The following SHTN1 variants were observed in gnomAD, a reference collection of about 807,000 sequenced individuals.
SHTN1 encodes shootin 1.
A neutral mutation model predicts 83.1 loss-of-function variants in SHTN1; 42 were observed. That is an observed-to-expected ratio of 0.51 (90% CI 0.39 to 0.65). The LOEUF is 0.65. Ranked by LOEUF, SHTN1 falls within the 30% of genes least tolerant of loss-of-function variation. The pLI is 0.00. For missense variants in SHTN1, 622 were observed against 737.8 expected, an observed-to-expected ratio of 0.84 and a Z score of 1.82; for synonymous variants, 224 against 247.7, an observed-to-expected ratio of 0.90 and a Z score of 0.90.
intron 3 of SHTN1, among the ~76,000 whole-genome samples, chr10:116,963,665 T>C (rs1166822718): frequency 6.6e-6 from 1 of 152,216 alleles, no homozygotes; most frequent in Non-Finnish European, 1.5e-5. Context: ...CAAAGCAATC[T>C]GAGGTCAGTG....
chr10:117,048,426 G>C (rs1852698039), intron 2 of SHTN1: 2 of 963,990 alleles, frequency 2.1e-6, no homozygotes, highest in South Asian at 9.6e-5. Flanking sequence ...AGACACATCG[G>C]CACGGTCTTG....
rs975269158 is a variant in SHTN1, at chr10:117,042,774, C to T, written c.-123+5671G>A. ...GGGACTACAGGCGTACACCACCACA[C>T]CCAGCTAATTTTTGTATTTTTAGTA... On this transcript the variant is annotated intron_variant, in intron 2 of 17. Transcript: ENST00000392901. Among the ~76,000 whole-genome samples the T allele has an allele frequency of 4.6e-5, 7 of 152,194 alleles. No individual in the cohort carries two copies. The South Asian group carries it at 1.5e-3, about 32-fold the overall frequency.
intron 1 of SHTN1, among the ~76,000 whole-genome samples, chr10:117,086,088 T>C (rs961293639): frequency 6.6e-6 from 1 of 152,102 alleles, no homozygotes; most frequent in African/African-American, 2.4e-5. Flanking sequence ...GCCCAGCTAA[T>C]TTTTTTATTT....
At chr10:117,016,267 G>C (rs543474854) in intron 2 of SHTN1, among the ~76,000 whole-genome samples, 1 of 152,300 alleles carries the variant, frequency 6.6e-6, no homozygotes, top group East Asian at 1.9e-4. Context: ...TGAGGCGTAT[G>C]TGTGTCTGTG....
chr10:116,995,931 C>T (rs889221555), intron 1 of SHTN1, among the ~76,000 whole-genome samples: 2 of 152,122 alleles, frequency 1.3e-5, no homozygotes, highest in Admixed American at 6.6e-5. Context: ...TAGGCACAAT[C>T]TGATGTTGAG....
intron 14 of SHTN1, among the ~76,000 whole-genome samples, chr10:116,906,987 A>C (rs1362136587): frequency 6.6e-6 from 1 of 152,238 alleles, no homozygotes; most frequent in Non-Finnish European, 1.5e-5. Flanking sequence ...AGAACAGTAC[A>C]AGAACACTTC....
chr10:117,056,823 CAAACA>C (rs1430463654), intron 1 of SHTN1, among the ~76,000 whole-genome samples: 1 of 151,994 alleles, frequency 6.6e-6, no homozygotes, highest in Non-Finnish European at 1.5e-5. Flanking sequence ...TCAAAACAAA[CAAACA>C]AAACAAAATA....
At chr10:117,087,620 T>C (rs190305305) in intron 1 of SHTN1, among the ~76,000 whole-genome samples, 4 of 152,320 alleles carry the variant, frequency 2.6e-5, no homozygotes, top group Middle Eastern at 3.4e-3. Flanking sequence ...AATAAAACTT[T>C]AAAAAATATT....
chr10:116,965,030 C>T (rs541320070), intron 3 of SHTN1, among the ~76,000 whole-genome samples: 5 of 152,194 alleles, frequency 3.3e-5, no homozygotes, highest in Admixed American at 2.6e-4. Context: ...CACAGGAATC[C>T]GGTCTAGGGA....
At chr10:117,045,808 A>C (rs1310064930) in intron 2 of SHTN1, among the ~76,000 whole-genome samples, 1 of 152,234 alleles carries the variant, frequency 6.6e-6, no homozygotes. Context: ...TTAAATTTTC[A>C]GACTGGTATT....
At chr10:117,046,218 C>T (rs908345814) in intron 2 of SHTN1, among the ~76,000 whole-genome samples, 2 of 151,998 alleles carry the variant, frequency 1.3e-5, no homozygotes, top group African/African-American at 4.8e-5. Flanking sequence ...TAGACATATA[C>T]TCAAACTGCA....
intron 1 of SHTN1, among the ~76,000 whole-genome samples, chr10:116,994,513 G>C (rs1851558897): frequency 6.6e-6 from 1 of 152,106 alleles, no homozygotes; most frequent in Non-Finnish European, 1.5e-5. Context: ...GAGACAGAGA[G>C]AGAAGGGGAA....
chr10:116,972,355 G>A (rs929707063), intron 2 of SHTN1, among the ~76,000 whole-genome samples: 3 of 151,906 alleles, frequency 2.0e-5, no homozygotes, highest in Middle Eastern at 3.4e-3. Flanking sequence ...AGGGGTGTGA[G>A]TTGGGGGTGG....
Position 117,038,767 on chromosome 10 carries a change from C to T in SHTN1, c.-123+9678G>A, listed in dbSNP as rs527863284. 2.6e-5 allele frequency among the ~76,000 whole-genome samples: 4 copies of T among 151,866 alleles called. No homozygotes were observed. In the South Asian group the frequency reaches 8.4e-4, roughly 32 times the overall value. On this transcript the variant is annotated intron_variant, in intron 2 of 17. Coordinates refer to the SHTN1 transcript ENST00000392901. The stretch of plus-strand genomic sequence containing the variant: ...TACATCAAATATCATCAGGGAAATG[C>T]AAATTTAAAAAACGACAACGTGATA...
intron 1 of SHTN1, among the ~76,000 whole-genome samples, chr10:116,984,590 C>A (rs1321852115): frequency 6.6e-6 from 1 of 152,126 alleles, no homozygotes; most frequent in Non-Finnish European, 1.5e-5. Flanking sequence ...TGAGTTCCCA[C>A]TTTTTTCTCC....
At chr10:116,985,197 AT>A (rs1172949723) in intron 1 of SHTN1, among the ~76,000 whole-genome samples, 3 of 152,318 alleles carry the variant, frequency 2.0e-5, no homozygotes, top group African/African-American at 7.2e-5. Flanking sequence ...TCTTATACTC[AT>A]ATGAATACCA....
At chr10:117,092,757 T>C (rs997151210) in intron 1 of SHTN1, among the ~76,000 whole-genome samples, 2 of 152,208 alleles carry the variant, frequency 1.3e-5, no homozygotes, top group Non-Finnish European at 2.9e-5. Flanking sequence ...TTCACATTGT[T>C]ACTGTCTTTA....
At chr10:116,905,419 T>TA (rs1432228029) in intron 15 of SHTN1, among the ~76,000 whole-genome samples, 1 of 152,092 alleles carries the variant, frequency 6.6e-6, no homozygotes, top group East Asian at 1.9e-4. Flanking sequence ...GGGGGCACAG[T>TA]AGGAGGGGAG....
intron 1 of SHTN1, among the ~76,000 whole-genome samples, chr10:117,096,963 T>A (rs536509178): frequency 6.6e-6 from 1 of 152,122 alleles, no homozygotes; most frequent in Non-Finnish European, 1.5e-5. Context: ...CTTACAAAGC[T>A]TTAATAACAG....
Sources: gnomAD v4.1 joint callset for allele counts (sites outside exome capture counted in the v4.1 genomes callset) on GRCh38, gnomAD v4.1.1 for gene constraint, MANE v1.5 for transcripts, NCBI Gene and HGNC (gene_info 2026-07-23, HGNC 2026-07-21) for gene names.